Variants in C10orf71 observed in about 807,000 individuals in gnomAD.
The protein encoded by C10orf71 is cardiac-enriched FHL2-interacting protein.
For synonymous variants in C10orf71, 758 were observed against 726.3 expected, an observed-to-expected ratio of 1.04 and a Z score of -0.70; for missense variants, 1,869 against 1,804.5, an observed-to-expected ratio of 1.04 and a Z score of -0.65.
intron 1 of C10orf71, among the ~76,000 whole-genome samples, chr10:49,307,139 A>G (rs1400154729): frequency 6.6e-6 from 1 of 152,194 alleles, no homozygotes; most frequent in Non-Finnish European, 1.5e-5. Context: ...TCCTGCTCCT[A>G]CTTTTACCTG....
rs192940847 is a variant in C10orf71 at position 49,317,576 on chromosome 10, C to T, written c.-145+1329C>T. Among the ~76,000 whole-genome samples the T allele has an allele frequency of 3.3e-5, 5 of 152,226 alleles. No homozygotes were observed. The East Asian group carries it at 5.8e-4, about 18-fold the overall frequency. On this transcript the variant is annotated intron_variant, in intron 2 of 2. Transcript: ENST00000374144. ...ATGAAAAGGGAAAATTTGGGCAGAG[C>T]GCAGTGGCTTATGACTATAATCCCA...
At chr10:49,315,810 C>A (rs1208163713) in intron 1 of C10orf71, among the ~76,000 whole-genome samples, 1 of 152,200 alleles carries the variant, frequency 6.6e-6, no homozygotes, top group Non-Finnish European at 1.5e-5. Flanking sequence ...AATCCCAGAA[C>A]TTTGGGAGGC....
At chr10:49,320,956 C>T (rs6537524) in intron 2 of C10orf71, among the ~76,000 whole-genome samples, 86,325 of 151,820 alleles carry the variant, frequency 0.57, 24,852 homozygotes, top group East Asian at 0.79. Flanking sequence ...GTTTGATGAA[C>T]TTGGAGATAA....
intron 2 of C10orf71, among the ~76,000 whole-genome samples, chr10:49,321,797 G>A (rs886332147): frequency 6.6e-6 from 1 of 152,088 alleles, no homozygotes; most frequent in African/African-American, 2.4e-5. Flanking sequence ...TTTCCCTGAT[G>A]GTTAGTGATG....
At chr10:49,321,810 G>A (rs1241607646) in intron 2 of C10orf71, among the ~76,000 whole-genome samples, 1 of 152,162 alleles carries the variant, frequency 6.6e-6, no homozygotes, top group East Asian at 1.9e-4. Flanking sequence ...TAGTGATGGT[G>A]AGCCCCTTTT....
chr10:49,302,880 T>A (rs1007218258), intron 1 of C10orf71, among the ~76,000 whole-genome samples: 2 of 152,090 alleles, frequency 1.3e-5, no homozygotes, highest in African/African-American at 4.8e-5. Context: ...GACAGGCAAA[T>A]CTGGGTTCAT....
intron 2 of C10orf71, among the ~76,000 whole-genome samples, chr10:49,318,769 G>A (rs1315451611): frequency 2.0e-5 from 3 of 152,282 alleles, no homozygotes; most frequent in Non-Finnish European, 4.4e-5. Context: ...CTTGCAGTGA[G>A]GACACATGAT....
chr10:49,313,482 G>A (rs186969347), intron 1 of C10orf71, among the ~76,000 whole-genome samples: 3 of 152,290 alleles, frequency 2.0e-5, no homozygotes, highest in Non-Finnish European at 4.4e-5. Context: ...GCCATCGAGA[G>A]ATTCTAAGCA....
rs1849241691 is a variant in C10orf71, at chr10:49,326,266, C to T, written c.3721C>T (p.Pro1241Ser). 1.9e-6 allele frequency: 3 copies of T among 1,549,972 alleles called. No individual in the cohort carries two copies. The East Asian group carries it at 7.3e-5, about 38-fold the overall frequency. The change falls in exon 3 of 3, where the codon CCC (proline) becomes TCC (serine). Residue 1241 changes from proline (P) to serine (S), a missense_variant. By Grantham distance (74) the Pro-to-Ser change is moderately conservative (BLOSUM62 -1). Transcript: ENST00000374144. ...NFPVVRSLPP[P>S]VHRHSVSGFS... ...CCCCGTGGTCCGTTCCCTGCCCCCT[C>T]CCGTGCACCGCCACTCCGTGTCCGG...
In C10orf71 at chr10:49,326,883, T is replaced by TGAACCCA; in HGVS notation, c.*33_*39dup. ...CTGCAGGCTGTCCCCCACCCCCAGA[T>TGAACCCA]GAACCCAGAGGAGCTTACTTCCCCC... On this transcript the variant is annotated 3_prime_UTR_variant, in exon 3 of 3. Transcript: ENST00000374144. 7.5e-7 allele frequency: 1 copy of TGAACCCA among 1,332,306 alleles called. No individual in the cohort carries two copies. The highest frequency in any genetic ancestry group is 9.9e-7 in the Non-Finnish European group (1 of 1,014,732). The allele number at this position is 1,332,306 out of a possible 1,614,324, so 82.5% of individuals were successfully genotyped here.
chr10:49,325,647 CT>C lies in C10orf71; in HGVS notation c.3107del (p.Leu1036CysfsTer78). On this transcript the variant is annotated frameshift_variant, in exon 3 of 3. Transcript: ENST00000374144. LOFTEE classifies it low-confidence loss of function (END_TRUNC). ...EEQTPGFKSH[F>X]LSTPRAGPPG... is the part of the protein sequence containing the mutation. ...AGCAAACACCAGGTTTCAAGAGTCA[CT>C]TTTTGTCCACACCCAGAGCAGGGCC... The C allele has an allele frequency of 1.3e-6, 2 of 1,552,132 alleles. No individual in the cohort carries two copies. The highest frequency in any genetic ancestry group is 8.7e-7 in the Non-Finnish European group (1 of 1,147,094).
At chr10:49,310,714 T>C (rs1399771662) in intron 1 of C10orf71, among the ~76,000 whole-genome samples, 1 of 152,094 alleles carries the variant, frequency 6.6e-6, no homozygotes, top group Non-Finnish European at 1.5e-5. Flanking sequence ...ACTCACTGCA[T>C]TGGCTTCCTC....
rs1324418045 is a variant in C10orf71, at chr10:49,325,218, G to C, written c.2673G>C (p.Glu891Asp). 1.9e-6 allele frequency: 3 copies of C among 1,551,994 alleles called. No individual in the cohort carries two copies. Among genetic ancestry groups the C allele is most frequent in the Admixed American group, 3.9e-5 (2 of 51,010 alleles). ...LEDSLSSGHK[E>D]EELPRPEWGE... ...ACTCCCTCAGCAGTGGCCACAAAGA[G>C]GAGGAATTGCCAAGGCCAGAATGGG... The change falls in exon 3 of 3, where the codon GAG becomes GAC. Residue 891 changes from glutamate to aspartate, a missense_variant. By Grantham distance (45) the Glu-to-Asp change is conservative (BLOSUM62 2). Coordinates refer to ENST00000374144, the MANE Select transcript of C10orf71 (RefSeq NM_001135196.2).
Position 49,327,083 on chromosome 10 carries a change from T to A in C10orf71, c.*230T>A. On this transcript the variant is annotated 3_prime_UTR_variant, in exon 3 of 3. Transcript: ENST00000374144. Reference sequence around the variant, plus strand: ...CTCTGATGGAGGGGCACTGCTTGCTTGGCCCGGTCCCCTCCGTGCCAGTTC... The same window carrying A: ...CTCTGATGGAGGGGCACTGCTTGCTAGGCCCGGTCCCCTCCGTGCCAGTTC... The A allele has an allele frequency of 3.5e-6, 5 of 1,447,476 alleles. No individual in the cohort carries two copies. Among genetic ancestry groups the A allele is most frequent in the Admixed American group, 2.1e-5 (1 of 48,328 alleles). The allele number at this position is 1,447,476 out of a possible 1,614,324, so 89.7% of individuals were successfully genotyped here. A position where few individuals can be genotyped will look rare whatever the true frequency, so the allele number is the denominator to read the frequency against.
At chr10:49,297,304 G>A (rs1308738871), upstream of C10orf71, among the ~76,000 whole-genome samples, 1 of 152,146 alleles carries the variant, frequency 6.6e-6, no homozygotes, top group Non-Finnish European at 1.5e-5. Context: ...TCTAACATCT[G>A]GAACAAAATG....
chr10:49,300,836 G>A (rs1049933247), intron 1 of C10orf71, among the ~76,000 whole-genome samples: 5 of 152,224 alleles, frequency 3.3e-5, no homozygotes, highest in Admixed American at 3.3e-4. Context: ...GAACAACTGT[G>A]TGCGGTGGGT....
In C10orf71 at chr10:49,323,246, G is replaced by A; in HGVS notation, c.701G>A (p.Ser234Asn). The change falls in exon 3 of 3, where the codon AGC (serine) becomes AAC (asparagine). Residue 234 changes from serine to asparagine, a missense_variant. Ser to Asn is a conservative substitution (Grantham distance 46). Transcript: ENST00000374144. ...GAAATGGCCTGTCACGGCTCCAGCA[G>A]CTTCCTCCCAGCAGCCAATGACACG... ...NPEMACHGSS[S>N]FLPAANDTAT... is the part of the protein sequence containing the mutation. The A allele has an allele frequency of 1.2e-6, 2 of 1,613,832 alleles. No individual in the cohort carries two copies. The highest frequency in any genetic ancestry group is 1.7e-6 in the Non-Finnish European group (2 of 1,179,850).
At chr10:49,310,102 G>A (rs973869865) in intron 1 of C10orf71, among the ~76,000 whole-genome samples, 2 of 152,216 alleles carry the variant, frequency 1.3e-5, no homozygotes, top group African/African-American at 2.4e-5. Context: ...ATCTTCAGCA[G>A]CTCAGGGGTG....
chr10:49,325,545 C>T lies in C10orf71; in HGVS notation c.3000C>T (p.His1000=), dbSNP rs1156496048. ...CAGGGAAGCTGGCAGCCCCATGGCA[C>T]ATCCCCACCATTGCTTTACCCGAGG... The part of the protein sequence containing the change: ...ADSGKLAAPW[H]IPTIALPEGD... Residue 1000 remains histidine (H), a synonymous_variant, in exon 3 of 3, where the codon CAC becomes CAT. Coordinates refer to ENST00000374144, the MANE Select transcript of C10orf71 (RefSeq NM_001135196.2). 2.6e-6 allele frequency: 4 copies of T among 1,550,356 alleles called. No individual in the cohort carries two copies. Among genetic ancestry groups the T allele is most frequent in the African/African-American group, 2.7e-5 (2 of 73,028 alleles).
Sources: gnomAD v4.1 joint callset for allele counts (sites outside exome capture counted in the v4.1 genomes callset) on GRCh38, gnomAD v4.1.1 for gene constraint, MANE v1.5 for transcripts, NCBI Gene and HGNC (gene_info 2026-07-23, HGNC 2026-07-21) for gene names.